Variants in B3GLCT observed in about 807,000 individuals in gnomAD.
B3GLCT encodes the protein beta 3-glucosyltransferase.
B3GLCT carries 65 observed loss-of-function variants against 63.4 expected under a neutral mutation model. The ratio of observed to expected loss-of-function variants is 1.03; its 90% confidence interval spans 0.84 to 1.26. The LOEUF (loss-of-function observed/expected upper bound fraction) is 1.26, where lower values mean the gene tolerates loss of function less well. Ranked by LOEUF, B3GLCT falls within the 50% of genes most tolerant of loss-of-function variation. The pLI, the probability that B3GLCT is intolerant of heterozygous loss-of-function variation, is 0.00. For synonymous variants in B3GLCT, 233 were observed against 219.2 expected (o/e 1.06, Z -0.55); for missense variants, 577 against 604.8 (o/e 0.95, Z 0.48).
At chr13:31,229,682 GT>G (rs1224873463) in intron 4 of B3GLCT, among the ~76,000 whole-genome samples, 2 of 151,550 alleles carry the variant, frequency 1.3e-5, no homozygotes, top group Non-Finnish European at 2.9e-5. Context: ...GGAGGCAGAG[GT>G]TGCAGTGAGC....
At chr13:31,301,769 G>T (rs975740637) in intron 12 of B3GLCT, among the ~76,000 whole-genome samples, 13 of 152,188 alleles carry the variant, frequency 8.5e-5, no homozygotes, top group African/African-American at 3.1e-4. Flanking sequence ...TCTCCAAACT[G>T]GGGGAAATGC....
intron 4 of B3GLCT, among the ~76,000 whole-genome samples, chr13:31,230,062 CTT>C (rs1250688122): frequency 2.0e-5 from 3 of 152,084 alleles, no homozygotes; most frequent in African/African-American, 2.4e-5. Flanking sequence ...CTATGAGTCT[CTT>C]AATCTACTTT....
rs1242893695 is a variant in B3GLCT at position 31,276,620 on chromosome 13, T to C, written c.781-82T>C. 13 of 878,214 alleles carry C rather than the reference T, an allele frequency of 1.5e-5. No individual in the cohort carries two copies. In the African/African-American group the frequency reaches 2.1e-4, roughly 14 times the overall value. The allele number at this position is 878,214 out of a possible 1,614,324, so 54.4% of individuals were successfully genotyped here. A position where few individuals can be genotyped will look rare whatever the true frequency, so the allele number is the denominator to read the frequency against. On this transcript the variant is annotated intron_variant, in intron 9 of 14. Transcript: ENST00000343307. Reference sequence around the variant, plus strand: ...ATCCTTGACATTGGTTAATTTGAACTCTAGAGCGTGTGAGATCTAGTGTGG... The same window carrying C: ...ATCCTTGACATTGGTTAATTTGAACCCTAGAGCGTGTGAGATCTAGTGTGG...
chr13:31,252,158 A>G (rs1435778248), intron 6 of B3GLCT, among the ~76,000 whole-genome samples: 1 of 152,164 alleles, frequency 6.6e-6, no homozygotes, highest in East Asian at 1.9e-4. Context: ...CTTTACAGAC[A>G]AAGAAATGCT....
intron 3 of B3GLCT, 77 bp from the exon 4 acceptor site, chr13:31,229,108 T>G: frequency 1.0e-6 from 1 of 960,008 alleles, no homozygotes; most frequent in Non-Finnish European, 1.6e-6. Context: ...TTTGTAGCTA[T>G]TTTTTCACTT....
At chr13:31,228,220 G>GA (rs397747573) in intron 3 of B3GLCT, among the ~76,000 whole-genome samples, 6 of 184 alleles carry the variant, frequency 0.033, no homozygotes, top group South Asian at 0.25. Flanking sequence ...TGCTGTGGCC[G>GA]TTTCCTGGAG....
Position 31,296,195 on chromosome 13 carries a change from A to G in B3GLCT, c.1064+9376A>G, listed in dbSNP as rs535972254. Among the ~76,000 whole-genome samples the G allele has an allele frequency of 1.8e-3, 271 of 152,366 alleles. 1 individual carries two copies. Among genetic ancestry groups the G allele is most frequent in the Non-Finnish European group, 3.0e-3 (201 of 68,036 alleles). Reference sequence around the variant, plus strand: ...CACCAGGTACCTCAGTTGGAAATGCAGAAATCACCTGCCTTCTGCATTGAT... The same window carrying G: ...CACCAGGTACCTCAGTTGGAAATGCGGAAATCACCTGCCTTCTGCATTGAT... On this transcript the variant is annotated intron_variant, in intron 12 of 14. Transcript: ENST00000343307.
In B3GLCT at chr13:31,261,075, G is replaced by A. The variant is rs763510934; in HGVS notation, c.589G>A (p.Val197Ile). The change falls in exon 7 of 15, where the codon GTA (valine) becomes ATA (isoleucine). Residue 197 changes from valine to isoleucine, a missense_variant. Physicochemically the swap from Val to Ile is conservative, Grantham distance 29. Coordinates refer to ENST00000343307, the MANE Select transcript of B3GLCT (RefSeq NM_194318.4). ...AAGWALSIPL[V>I]NKLTKRLKSE... ...AGGCTGGGCCTTAAGTATTCCACTT[G>A]TAAACAAGTAAGAATTTATTGGAAT... 12 of 1,580,188 alleles carry A rather than the reference G, an allele frequency of 7.6e-6. No homozygotes were observed. In the South Asian group the frequency reaches 1.3e-4, roughly 17 times the overall value.
chr13:31,248,953 A>G (rs1279841682), intron 6 of B3GLCT, among the ~76,000 whole-genome samples: 1 of 152,194 alleles, frequency 6.6e-6, no homozygotes, highest in Non-Finnish European at 1.5e-5. Context: ...TCTCTTTCAG[A>G]GGAAAGAAGC....
intron 3 of B3GLCT, among the ~76,000 whole-genome samples, chr13:31,228,733 T>C (rs115007435): frequency 0.042 from 6,339 of 152,284 alleles, 148 homozygotes; most frequent in Non-Finnish European, 0.05. Flanking sequence ...CATTCTGAGG[T>C]ATTGGGGGTT....
chr13:31,208,327 C>G (rs764930361), intron 1 of B3GLCT, among the ~76,000 whole-genome samples: 4 of 152,246 alleles, frequency 2.6e-5, no homozygotes, highest in Non-Finnish European at 5.9e-5. Flanking sequence ...TTAAATGTTG[C>G]AGTTCCCCTG....
At chr13:31,209,094 G>C (rs75617714) in intron 1 of B3GLCT, among the ~76,000 whole-genome samples, 226 of 152,296 alleles carry the variant, frequency 1.5e-3, no homozygotes, top group African/African-American at 5.3e-3. Flanking sequence ...AAAATCCGAT[G>C]CCCCTTAAAA....
At chr13:31,238,441 T>C (rs575970656) in intron 4 of B3GLCT, among the ~76,000 whole-genome samples, 12 of 152,360 alleles carry the variant, frequency 7.9e-5, no homozygotes, top group African/African-American at 2.6e-4. Flanking sequence ...CTGAGGTTGA[T>C]AATTTTATGT....
chr13:31,262,069 G>A (rs1872057975), intron 7 of B3GLCT, among the ~76,000 whole-genome samples: 1 of 152,190 alleles, frequency 6.6e-6, no homozygotes, highest in Admixed American at 6.5e-5. Context: ...AGGAGACAAA[G>A]CATGGGGGAC....
At chr13:31,201,193 T>G (rs1424008705) in intron 1 of B3GLCT, among the ~76,000 whole-genome samples, 1 of 152,140 alleles carries the variant, frequency 6.6e-6, no homozygotes, top group Non-Finnish European at 1.5e-5. Context: ...ATGGTGCAGT[T>G]TAGGAAAAGA....
chr13:31,244,548 C>T (rs1593269104), intron 4 of B3GLCT, among the ~76,000 whole-genome samples: 2 of 152,206 alleles, frequency 1.3e-5, no homozygotes, highest in Middle Eastern at 3.4e-3. Flanking sequence ...TTTAGTGACA[C>T]TACCTTTAAG....
At chr13:31,310,276 G>A (rs1027339849) in intron 12 of B3GLCT, among the ~76,000 whole-genome samples, 3 of 152,154 alleles carry the variant, frequency 2.0e-5, no homozygotes, top group Non-Finnish European at 4.4e-5. Context: ...TTTGGGTCCC[G>A]TCTTGTGTTG....
At chr13:31,203,998 C>T (rs527935181) in intron 1 of B3GLCT, among the ~76,000 whole-genome samples, 3 of 152,280 alleles carry the variant, frequency 2.0e-5, no homozygotes, top group Non-Finnish European at 2.9e-5. Context: ...TGTCAGGCAT[C>T]GTGATATTGC....
rs185295513 is a variant in B3GLCT at position 31,254,059 on chromosome 13, C to T, written c.459+6093C>T. On this transcript the variant is annotated intron_variant, in intron 6 of 14. Coordinates refer to ENST00000343307, the MANE Select transcript of B3GLCT (RefSeq NM_194318.4). Reference sequence around the variant, plus strand: ...AATAGCCTACCAAACAAAAAAAGTCCGGGACCAGACAGATTCACAGCTGAA... The same window carrying T: ...AATAGCCTACCAAACAAAAAAAGTCTGGGACCAGACAGATTCACAGCTGAA... Among the ~76,000 whole-genome samples the T allele has an allele frequency of 1.1e-3, 168 of 152,172 alleles. 1 individual carries two copies. The highest frequency in any genetic ancestry group is 3.3e-3 in the African/African-American group (137 of 41,518).
Sources: gnomAD v4.1 joint callset for allele counts (sites outside exome capture counted in the v4.1 genomes callset) on GRCh38, gnomAD v4.1.1 for gene constraint, MANE v1.5 for transcripts, NCBI Gene and HGNC (gene_info 2026-07-23, HGNC 2026-07-21) for gene names.